HEATR5B: variants seen among roughly 807,000 people sequenced by gnomAD.
HEATR5B encodes HEAT repeat-containing protein 5B.
Under a neutral mutation model 224.1 loss-of-function variants are expected in HEATR5B, and 156 were observed. That is an observed-to-expected ratio of 0.70 (90% CI 0.61 to 0.80). HEATR5B has a LOEUF of 0.80. HEATR5B is among the 30% of genes least tolerant of loss of function. The pLI, the probability that HEATR5B is intolerant of heterozygous loss-of-function variation, is 0.00. For missense variants in HEATR5B, 2,323 were observed against 2,535.5 expected (o/e 0.92, Z 1.80); for synonymous variants, 1,027 against 893.0 (o/e 1.15, Z -2.68).
chr2:37,013,839 A>C lies in HEATR5B; in HGVS notation c.4284+2T>G, dbSNP rs1572804519. 6.4e-7 allele frequency: 1 copy of C among 1,568,116 alleles called. No homozygotes were observed. The highest frequency in any genetic ancestry group is 2.3e-5 in the East Asian group (1 of 43,062). On this transcript the variant is annotated splice_donor_variant, in intron 27 of 35. Coordinates refer to ENST00000233099, the MANE Select transcript of HEATR5B (RefSeq NM_019024.3). LOFTEE classifies it high-confidence loss of function. ...AACAATAGATTGTGGTTTAGTCGTT[A>C]CCTCTGCCCAAGCTTTGAGAACAGC...
At chr2:36,983,651 C>T (rs545330475) in intron 35 of HEATR5B, among the ~76,000 whole-genome samples, 102 of 151,378 alleles carry the variant, frequency 6.7e-4, no homozygotes, top group African/African-American at 2.1e-3. Flanking sequence ...TCGCTTGAAC[C>T]TGGGAGGCAG....
chr2:37,081,203 A>C (rs1216035578), intron 2 of HEATR5B, among the ~76,000 whole-genome samples: 1 of 152,240 alleles, frequency 6.6e-6, no homozygotes, highest in Non-Finnish European at 1.5e-5. Flanking sequence ...TCTAGTTGAC[A>C]ATTACAAGTG....
chr2:37,037,807 A>C (rs768306516), intron 21 of HEATR5B, 48 bp downstream of exon 21: 3 of 1,351,350 alleles, frequency 2.2e-6, no homozygotes, highest in Non-Finnish European at 2.9e-6. Flanking sequence ...TTAAATGTAA[A>C]ATAAAATACA....
chr2:37,062,157 T>C, intron 10 of HEATR5B, 107 bp from the exon 11 acceptor site: 1 of 672,646 alleles, frequency 1.5e-6, no homozygotes, highest in Non-Finnish European at 2.6e-6. Flanking sequence ...CTGGATGCGG[T>C]GGCTCATGCC....
intron 5 of HEATR5B, among the ~76,000 whole-genome samples, chr2:37,073,509 G>C (rs1170232054): frequency 6.6e-6 from 1 of 152,122 alleles, no homozygotes; most frequent in Non-Finnish European, 1.5e-5. Context: ...CTCCCAAAGT[G>C]CTGGGATTAC....
intron 5 of HEATR5B, among the ~76,000 whole-genome samples, chr2:37,073,547 A>G (rs556791637): frequency 0.011 from 1,714 of 152,282 alleles, 24 homozygotes; most frequent in African/African-American, 0.039. Context: ...CCCAGCCTGG[A>G]CGTTGACATT....
chr2:37,082,424 A>C (rs1310093260), intron 2 of HEATR5B, among the ~76,000 whole-genome samples: 1 of 152,096 alleles, frequency 6.6e-6, no homozygotes, highest in East Asian at 1.9e-4. Flanking sequence ...AGACAATAAA[A>C]AGTAAGTTGA....
At chr2:37,010,350 CTG>C (rs2148405228) in intron 27 of HEATR5B, among the ~76,000 whole-genome samples, 1 of 152,216 alleles carries the variant, frequency 6.6e-6, no homozygotes, top group African/African-American at 2.4e-5. Flanking sequence ...ATGAGAAGCA[CTG>C]TGTCTTACCC....
chr2:37,028,842 G>T lies in HEATR5B; in HGVS notation c.3440C>A (p.Thr1147Asn), dbSNP rs775492133. Residue 1147 changes from threonine (T) to asparagine (N), a missense_variant, in exon 23 of 36, where the codon ACT becomes AAT. Thr to Asn is a moderately conservative substitution (Grantham distance 65). Transcript: ENST00000233099. ...TCCAAAAAGAAGTCCCTCAAGACCA[G>T]TTTCTGTTATATTAACACCTTGGTG... ...CRHQGVNITE[T>N]GLEGLLFGML... The T allele has an allele frequency of 1.2e-6, 2 of 1,614,102 alleles. No individual in the cohort carries two copies. The highest frequency in any genetic ancestry group is 1.7e-6 in the Non-Finnish European group (2 of 1,179,986).
chr2:36,981,445 T>C lies in HEATR5B; in HGVS notation c.*45A>G, dbSNP rs901460794. On this transcript the variant is annotated 3_prime_UTR_variant, in exon 36 of 36. Transcript: ENST00000233099. ...GAATGATACAGTGGCCATCACTAAT[T>C]AGGGGCTAGTTGACAACATAAATAC... is the stretch of plus-strand genomic sequence containing the variant. The C allele has an allele frequency of 4.8e-6, 7 of 1,466,164 alleles. No individual in the cohort carries two copies. The Admixed American group carries it at 9.9e-5, about 21-fold the overall frequency. The allele number at this position is 1,466,164 out of a possible 1,614,324, so 90.8% of individuals were successfully genotyped here. A position where few individuals can be genotyped will look rare whatever the true frequency, so the allele number is the denominator to read the frequency against.
intron 29 of HEATR5B, among the ~76,000 whole-genome samples, chr2:37,006,744 T>C (rs757798760): frequency 3.0e-4 from 45 of 152,226 alleles, no homozygotes; most frequent in Non-Finnish European, 5.4e-4. Context: ...AATGGGATAA[T>C]TGGTTAAGTG....
At chr2:36,991,196 T>G (rs1666301744) in intron 33 of HEATR5B, among the ~76,000 whole-genome samples, 1 of 152,162 alleles carries the variant, frequency 6.6e-6, no homozygotes, top group Non-Finnish European at 1.5e-5. Context: ...CTCCTTTCAA[T>G]TTAGTAAATA....
rs745518824 is a variant in HEATR5B at position 37,008,867 on chromosome 2, G to A, written c.4285-19C>T. 7.3e-7 allele frequency: 1 copy of A among 1,371,994 alleles called. No individual in the cohort carries two copies. Among genetic ancestry groups the A allele is most frequent in the South Asian group, 1.2e-5 (1 of 82,010 alleles). The allele number at this position is 1,371,994 out of a possible 1,614,324, so 85.0% of individuals were successfully genotyped here. A position where few individuals can be genotyped will look rare whatever the true frequency, so the allele number is the denominator to read the frequency against. On this transcript the variant is annotated intron_variant, in intron 27 of 35. Transcript: ENST00000233099. ...CATATACCTAATATGATATTTATGAGGACAAAATAGTAAGGCATAAGATAA... is the reference window on the plus strand; with the variant it reads ...CATATACCTAATATGATATTTATGAAGACAAAATAGTAAGGCATAAGATAA...
At chr2:37,003,384 T>TATAA (rs1468740581) in intron 31 of HEATR5B, among the ~76,000 whole-genome samples, 158 bp downstream of exon 31, 2 of 151,220 alleles carry the variant, frequency 1.3e-5, no homozygotes, top group East Asian at 3.9e-4. Context: ...TACACTGAAC[T>TATAA]ATAATCACAT....
intron 2 of HEATR5B, among the ~76,000 whole-genome samples, chr2:37,079,697 T>C (rs528325865): frequency 2.0e-5 from 3 of 152,100 alleles, no homozygotes; most frequent in Admixed American, 6.5e-5. Flanking sequence ...TATGTAAAAG[T>C]GAAGTCAGTA....
intron 24 of HEATR5B, 39 bp downstream of exon 24, chr2:37,027,884 A>G: frequency 1.2e-6 from 2 of 1,602,064 alleles, no homozygotes; most frequent in Non-Finnish European, 1.7e-6. Flanking sequence ...CTCAAGGTGT[A>G]AAAATGCTTT....
chr2:37,015,057 C>T (rs986541406), intron 26 of HEATR5B, among the ~76,000 whole-genome samples: 1 of 152,014 alleles, frequency 6.6e-6, no homozygotes, highest in African/African-American at 2.4e-5. Flanking sequence ...TGAATGAACA[C>T]ATGGGAATGT....
At chr2:37,039,083 G>T (rs942576347) in intron 20 of HEATR5B, among the ~76,000 whole-genome samples, 1 of 151,748 alleles carries the variant, frequency 6.6e-6, no homozygotes, top group African/African-American at 2.4e-5. Context: ...CACTTTGCAA[G>T]GCTGAGATGG....
chr2:37,036,170 G>C (rs1032024941), intron 21 of HEATR5B, among the ~76,000 whole-genome samples: 1 of 152,108 alleles, frequency 6.6e-6, no homozygotes, highest in Non-Finnish European at 1.5e-5. Flanking sequence ...AATGTAAAAA[G>C]TGCAAATCTC....
Sources: gnomAD v4.1 joint callset for allele counts (sites outside exome capture counted in the v4.1 genomes callset) on GRCh38, gnomAD v4.1.1 for gene constraint, MANE v1.5 for transcripts, NCBI Gene and HGNC (gene_info 2026-07-23, HGNC 2026-07-21) for gene names.